The following ARHGEF15 variants were observed in gnomAD, a reference collection of about 807,000 sequenced individuals.
ARHGEF15 encodes the protein Rho guanine nucleotide exchange factor (GEF) 15.
Under a neutral mutation model 79.7 loss-of-function variants are expected in ARHGEF15, and 58 were observed. The observed-to-expected ratio is 0.73, with a 90% CI of 0.59 to 0.91. ARHGEF15 has a LOEUF of 0.91. Ranked by LOEUF, ARHGEF15 falls within the 40% of genes least tolerant of loss-of-function variation. The pLI, the probability that ARHGEF15 is intolerant of heterozygous loss-of-function variation, is 0.00. For missense variants in ARHGEF15, 1,012 were observed against 1,108.1 expected, an observed-to-expected ratio of 0.91 and a Z score of 1.23; for synonymous variants, 442 against 456.0, an observed-to-expected ratio of 0.97 and a Z score of 0.39.
rs116672634 is a variant in ARHGEF15 at position 8,312,262 on chromosome 17, C to A, written c.223C>A (p.Leu75Ile). 3.0e-6 allele frequency: 4 copies of A among 1,339,492 alleles called. No individual in the cohort carries two copies. In the East Asian group the frequency reaches 1.4e-4, roughly 46 times the overall value. 83.0% of individuals were successfully genotyped at this position (1,339,492 alleles called of 1,614,324 possible). The stretch of plus-strand genomic sequence containing the variant: ...AGCTGCATCCCTCAAGCCCCCTGCT[C>A]TTTTGCCCCCCTCAGCTTCTAGAGC... ...PPAASLKPPALLPPSASRASL... is the reference protein window; with the variant it reads ...PPAASLKPPAILPPSASRASL... Residue 75 changes from leucine (L) to isoleucine (I), a missense_variant, in exon 2 of 16, where the codon CTT becomes ATT. Transcript: ENST00000361926.
chr17:8,312,509 T>C lies in ARHGEF15; in HGVS notation c.470T>C (p.Phe157Ser), dbSNP rs756974695. Residue 157 changes from phenylalanine (F) to serine (S), a missense_variant, in exon 2 of 16, where the codon TTT becomes TCT. Physicochemically the swap from Phe to Ser is radical, Grantham distance 155. Transcript: ENST00000361926. ...PGTVRRLAGR[F>S]EGGAEGRAQD... ...ACTGTGCGGAGGCTGGCTGGCAGGT[T>C]TGAAGGGGGTGCTGAAGGCCGGGCT... 1.9e-6 allele frequency: 3 copies of C among 1,611,682 alleles called. No homozygotes were observed. Among genetic ancestry groups the C allele is most frequent in the Admixed American group, 1.7e-5 (1 of 59,690 alleles).
Position 8,320,907 on chromosome 17 carries a change from G to A in ARHGEF15, c.2440G>A (p.Glu814Lys), listed in dbSNP as rs534121147. Residue 814 changes from glutamate (E) to lysine (K), a missense_variant, in exon 16 of 16, where the codon GAA becomes AAA. By Grantham distance (56) the Glu-to-Lys change is moderately conservative (BLOSUM62 1). This residue lies in a region of ARHGEF15 where 132 missense variants were observed against 124.2 expected (regional missense o/e 1.06). Transcript: ENST00000361926. ...GGTGTGTGAAGTCACAGGGGAACAC[G>A]AAAGGAGGAGGCACCTTCGCCAGAA... ...QLVCEVTGEH[E>K]RRRHLRQNQR... The A allele has an allele frequency of 1.2e-6, 2 of 1,614,008 alleles. No homozygotes were observed. The highest frequency in any genetic ancestry group is 2.7e-5 in the African/African-American group (2 of 75,014).
intron 15 of ARHGEF15, 62 bp downstream of exon 15, chr17:8,319,665 T>G: frequency 7.4e-7 from 1 of 1,342,662 alleles, no homozygotes; most frequent in Non-Finnish European, 9.9e-7. Flanking sequence ...AGACAGAGTC[T>G]CATTCTGTCA....
In ARHGEF15 at chr17:8,315,466, T is replaced by A; in HGVS notation, c.1313T>A (p.Leu438Gln). ...SEASYLRSLR[L>Q]LTDTFVLSQA... ...GCTTCCTACCTGCGCTCCCTGCGGC[T>A]GCTGACCGACACCTTCGTGCTGAGC... The change falls in exon 7 of 16, where the codon CTG becomes CAG. Residue 438 changes from leucine to glutamine, a missense_variant. Coordinates refer to ENST00000361926, the MANE Select transcript of ARHGEF15 (RefSeq NM_173728.4). The surrounding 1 kb of genome is among the most constrained non-coding windows in gnomAD (Gnocchi z 4.3). The A allele has an allele frequency of 6.2e-7, 1 of 1,613,900 alleles. No individual in the cohort carries two copies. The highest frequency in any genetic ancestry group is 8.5e-7 in the Non-Finnish European group (1 of 1,180,018).
chr17:8,311,553 G>A (rs1229151829), intron 1 of ARHGEF15, among the ~76,000 whole-genome samples: 2 of 152,022 alleles, frequency 1.3e-5, no homozygotes, highest in African/African-American at 2.4e-5. Flanking sequence ...AGTGATGCAC[G>A]CCTCGCAGCC....
rs376805138 is a variant in ARHGEF15 at position 8,313,501 on chromosome 17, G to A, written c.935G>A (p.Gly312Glu). The A allele has an allele frequency of 1.9e-6, 3 of 1,613,230 alleles. No individual in the cohort carries two copies. Among genetic ancestry groups the A allele is most frequent in the Admixed American group, 3.3e-5 (2 of 59,896 alleles). Residue 312 changes from glycine to glutamate, a missense_variant and splice_region_variant, in exon 4 of 16, where the codon GGG becomes GAG. This residue lies in a region of ARHGEF15 where 818 missense variants were observed against 882.5 expected (regional missense o/e 0.93). Transcript: ENST00000361926. ...DLLSEDGIQT[G>E]DSPDEAPQNT... ...TCTTCACTCTGGCTTCTCTCTCCAG[G>A]GGACAGTCCTGATGAAGCTCCTCAG...
rs1428363282 is a variant in ARHGEF15, at chr17:8,312,907, A to AC, written c.602-13dup. ...GCCCCAAGGGCTTTCTCCTTAGGCT[A>AC]CCTGTCTCCCACAGATGCTGGCCTG... On this transcript the variant is annotated splice_polypyrimidine_tract_variant and intron_variant, in intron 2 of 15. Coordinates refer to ENST00000361926, the MANE Select transcript of ARHGEF15 (RefSeq NM_173728.4). The AC allele has an allele frequency of 1.3e-6, 2 of 1,566,618 alleles. No homozygotes were observed. Among genetic ancestry groups the AC allele is most frequent in the East Asian group, 4.5e-5 (2 of 44,612 alleles).
Position 8,312,368 on chromosome 17 carries a change from C to T in ARHGEF15, c.329C>T (p.Pro110Leu). The change falls in exon 2 of 16, where the codon CCA (proline) becomes CTA (leucine). Residue 110 changes from proline to leucine, a missense_variant. Pro to Leu is a moderately conservative substitution (Grantham distance 98, BLOSUM62 -3). Coordinates refer to ENST00000361926, the MANE Select transcript of ARHGEF15 (RefSeq NM_173728.4). ...PSPVSRRSAS[P>L]EPAPRSPVPP... is the part of the protein sequence containing the mutation. ...CCAGTGTCCCGGCGCTCCGCCTCCC[C>T]AGAACCTGCTCCCCGGTCTCCAGTC... The T allele has an allele frequency of 6.2e-7, 1 of 1,606,700 alleles. No homozygotes were observed. The highest frequency in any genetic ancestry group is 8.5e-7 in the Non-Finnish European group (1 of 1,176,454).
intron 4 of ARHGEF15, among the ~76,000 whole-genome samples, chr17:8,314,509 G>A (rs1904876367): frequency 6.6e-6 from 1 of 152,002 alleles, no homozygotes. Context: ...ACGTGAGACG[G>A]CTGACAAGGA....
chr17:8,319,663 T>A, intron 15 of ARHGEF15, 60 bp downstream of exon 15: 2 of 1,335,156 alleles, frequency 1.5e-6, no homozygotes, highest in Non-Finnish European at 2.0e-6. Flanking sequence ...TGAGACAGAG[T>A]CTCATTCTGT....
chr17:8,312,178 C>G lies in ARHGEF15; in HGVS notation c.139C>G (p.Pro47Ala), dbSNP rs776040469. 1 of 1,609,802 alleles carries G rather than the reference C, an allele frequency of 6.2e-7. No homozygotes were observed. Among genetic ancestry groups the G allele is most frequent in the South Asian group, 1.1e-5 (1 of 90,626 alleles). ...CAATGGCTCCTCTCCACAAGAACTA[C>G]CCCGAAACTCCAATGATGCACCAAC... Reference protein sequence around the residue: ...PHNGSSPQELPRNSNDAPTPM... With the variant: ...PHNGSSPQELARNSNDAPTPM... Residue 47 changes from proline (P) to alanine (A), a missense_variant, in exon 2 of 16, where the codon CCC becomes GCC. Pro to Ala is a conservative substitution (Grantham distance 27). Coordinates refer to ENST00000361926, the MANE Select transcript of ARHGEF15 (RefSeq NM_173728.4).
chr17:8,318,652 A>G lies in ARHGEF15; in HGVS notation c.1862A>G (p.His621Arg). Reference sequence around the variant, plus strand: ...CGGCTCACCCAAAGGCTGCGCTTCCACAAAGTCAAGGTACATCGCTGCCCA... The same window carrying G: ...CGGCTCACCCAAAGGCTGCGCTTCCGCAAAGTCAAGGTACATCGCTGCCCA... ...LIRLTQRLRF[H>R]KVKALPLVSW... is the part of the protein sequence containing the mutation. The change falls in exon 11 of 16, where the codon CAC becomes CGC. Residue 621 changes from histidine to arginine, a missense_variant. Transcript: ENST00000361926. The surrounding 1 kb of genome is among the most constrained non-coding windows in gnomAD (Gnocchi z 5.0). 1 of 1,613,404 alleles carries G rather than the reference A, an allele frequency of 6.2e-7. No homozygotes were observed.
At chr17:8,313,690 A>C (rs1486488903) in intron 4 of ARHGEF15, 135 bp downstream of exon 4, 1 of 872,484 alleles carries the variant, frequency 1.1e-6, no homozygotes, top group Non-Finnish European at 1.7e-6. Context: ...TCTAGAGATA[A>C]GCAGCCCTTG....
intron 2 of ARHGEF15, 89 bp downstream of exon 2, chr17:8,312,729 T>C: frequency 6.2e-7 from 1 of 1,602,692 alleles, no homozygotes; most frequent in Non-Finnish European, 8.5e-7. Context: ...GGCTACCTTT[T>C]CAAAAATGGA....
intron 4 of ARHGEF15, 87 bp from the exon 5 acceptor site, chr17:8,314,819 G>A (rs1904900146): frequency 6.5e-7 from 1 of 1,546,634 alleles, no homozygotes; most frequent in Non-Finnish European, 8.8e-7. Context: ...CTGCACATGG[G>A]TTGCCCTGTC....
chr17:8,316,967 G>C (rs1460136269), intron 9 of ARHGEF15, among the ~76,000 whole-genome samples: 1 of 152,080 alleles, frequency 6.6e-6, no homozygotes, highest in Non-Finnish European at 1.5e-5. Context: ...ATTATTAGTA[G>C]AGATGGGGTT....
Position 8,313,308 on chromosome 17 carries a change from A to AC in ARHGEF15, c.934+54_934+55insC, listed in dbSNP as rs1904791803. On this transcript the variant is annotated intron_variant, in intron 3 of 15. Coordinates refer to ENST00000361926, the MANE Select transcript of ARHGEF15 (RefSeq NM_173728.4). The stretch of plus-strand genomic sequence containing the variant: ...GGCTGTGAGGGGACAGGAGAGAGGC[A>AC]GGGGGGAACTAAAGCCCAGCAAACT... 5.8e-6 allele frequency: 9 copies of AC among 1,563,740 alleles called. No individual in the cohort carries two copies. In the South Asian group the frequency reaches 1.1e-4, roughly 18 times the overall value.
At chr17:8,313,383 C>T (rs2151636903) in intron 3 of ARHGEF15, 118 bp from the exon 4 acceptor site, 1 of 1,496,032 alleles carries the variant, frequency 6.7e-7, no homozygotes, top group East Asian at 2.3e-5. Flanking sequence ...AGCTGCTGCT[C>T]TGGTGCTGAA....
chr17:8,320,416 T>A (rs1363475373), intron 15 of ARHGEF15, among the ~76,000 whole-genome samples: 2 of 152,210 alleles, frequency 1.3e-5, no homozygotes, highest in East Asian at 3.9e-4. Context: ...GCCCATGGTG[T>A]CTGGGGGAAG....
Sources: allele counts gnomAD v4.1 joint callset (sites outside exome capture counted in the v4.1 genomes callset), GRCh38; gene constraint gnomAD v4.1.1; regional missense constraint gnomAD v4.1.1; non-coding constraint Gnocchi (gnomAD v3.1); transcripts MANE v1.5; gene names NCBI Gene and HGNC (gene_info 2026-07-23, HGNC 2026-07-21).